The following C3 variants were observed in gnomAD, a reference collection of about 807,000 sequenced individuals.
The protein encoded by C3 is C3 and PZP-like alpha-2-macroglobulin domain-containing protein 1.
Under a neutral mutation model 207.9 loss-of-function variants are expected in C3, and 97 were observed. The ratio of observed to expected loss-of-function variants is 0.47; its 90% CI spans 0.40 to 0.55. The LOEUF (loss-of-function observed/expected upper bound fraction) is 0.55, where lower values mean the gene tolerates loss of function less well. Ranked by LOEUF, C3 falls within the 20% of genes least tolerant of loss-of-function variation. The pLI, the probability that C3 is intolerant of heterozygous loss-of-function variation, is 0.00. For missense variants in C3, 1,684 were observed against 2,171.7 expected (o/e 0.78, Z 4.46); for synonymous variants, 848 against 857.6 (o/e 0.99, Z 0.20).
chr19:6,712,005 T>C (rs1967931891), intron 11 of C3, among the ~76,000 whole-genome samples: 2 of 152,050 alleles, frequency 1.3e-5, no homozygotes, highest in African/African-American at 4.8e-5. Flanking sequence ...AGGACCCCAC[T>C]GTGCAGGACA....
At chr19:6,708,039 C>G in intron 14 of C3, 110 bp from the exon 15 acceptor site, 2 of 1,245,870 alleles carry the variant, frequency 1.6e-6, no homozygotes, top group Non-Finnish European at 1.2e-6. Context: ...CTGTCCCACT[C>G]TCATCTCCCC....
chr19:6,716,611 CG>C (rs1169520843), intron 4 of C3: 3 of 152,218 alleles, frequency 2.0e-5, no homozygotes, highest in Non-Finnish European at 4.4e-5. Context: ...CCATCCTTCT[CG>C]CTTCTTCCAG....
At chr19:6,696,683 G>A in intron 21 of C3, 24 bp from the exon 22 acceptor site, 1 of 1,604,414 alleles carries the variant, frequency 6.2e-7, no homozygotes, top group Non-Finnish European at 8.5e-7. Flanking sequence ...GAGGTGGGGG[G>A]AGTCGTTGGA....
At chr19:6,702,717 G>T (rs1456001280) in intron 17 of C3, 138 bp from the exon 18 acceptor site, 3 of 707,170 alleles carry the variant, frequency 4.2e-6, no homozygotes, top group Non-Finnish European at 7.8e-6. Context: ...AGCTAACATG[G>T]TGAAACCCAT....
intron 33 of C3, chr19:6,682,464 C>A: frequency 1.9e-6 from 1 of 516,644 alleles, no homozygotes; most frequent in Non-Finnish European, 3.5e-6. Flanking sequence ...GATTCAAATT[C>A]CAGCTCTAAA....
At chr19:6,703,356 C>T (rs11569446) in intron 17 of C3, among the ~76,000 whole-genome samples, 6,874 of 152,194 alleles carry the variant, frequency 0.045, 528 homozygotes, top group African/African-American at 0.16. Context: ...ATCTGTAATT[C>T]CAGCACTTTG....
In C3 at chr19:6,693,454, C is replaced by T. The variant is rs779809161; in HGVS notation, c.3188G>A (p.Ser1063Asn). The change falls in exon 25 of 41, where the codon AGC (serine) becomes AAC (asparagine). Residue 1063 changes from serine (S) to asparagine (N), a missense_variant. By Grantham distance (46) the Ser-to-Asn change is conservative. Transcript: ENST00000245907. Reference protein sequence around the residue: ...YTQQLAFRQPSSAFAAFVKRA... With the variant: ...YTQQLAFRQPNSAFAAFVKRA... ...TTTCACGAAGGCCGCAAAGGCAGAG[C>T]TGGGTTGTCTGAAGGCCAGCTGCTG... The T allele has an allele frequency of 4.7e-5, 75 of 1,612,654 alleles. 1 individual carries two copies. In the South Asian group the frequency reaches 7.9e-4, roughly 17 times the overall value.
chr19:6,710,347 G>C (rs1366289839), intron 13 of C3, among the ~76,000 whole-genome samples: 1 of 148,712 alleles, frequency 6.7e-6, no homozygotes, highest in Non-Finnish European at 1.5e-5. Context: ...GAGAGAGAGA[G>C]GGAGAGAGAA....
rs751198127 is a variant in C3, at chr19:6,697,676, A to G, written c.2559T>C (p.Asn853=). Residue 853 remains asparagine, a synonymous_variant, in exon 20 of 41, where the codon AAT becomes AAC. Transcript: ENST00000245907. ...EQVEIRAVLY[N]YRQNQELKVR... is the part of the protein sequence containing the mutation. Reference sequence around the variant, plus strand: ...CCTTGAGCTCTTGGTTCTGCCGGTAATTGTAGAGAACGGCTCGGATTTCCA... The same window carrying G: ...CCTTGAGCTCTTGGTTCTGCCGGTAGTTGTAGAGAACGGCTCGGATTTCCA... 3 of 1,613,976 alleles carry G rather than the reference A, an allele frequency of 1.9e-6. No individual in the cohort carries two copies. Among genetic ancestry groups the G allele is most frequent in the Non-Finnish European group, 2.5e-6 (3 of 1,180,026 alleles).
intron 5 of C3, 42 bp downstream of exon 5, chr19:6,714,310 G>A (rs376074369): frequency 2.5e-6 from 4 of 1,605,796 alleles, no homozygotes; most frequent in South Asian, 2.2e-5. Context: ...CCTCTCCGGG[G>A]ATAGGGGAGC....
chr19:6,713,341 GA>G (rs1444315164), intron 8 of C3, 26 bp from the exon 9 acceptor site: 8 of 1,613,804 alleles, frequency 5.0e-6, no homozygotes, highest in Non-Finnish European at 6.8e-6. Flanking sequence ...AGGGCTCAGA[GA>G]GGGGAGCGGG....
At chr19:6,686,980 C>T in intron 27 of C3, 78 bp from the exon 28 acceptor site, 1 of 1,435,190 alleles carries the variant, frequency 7.0e-7, no homozygotes, top group Non-Finnish European at 9.8e-7. Flanking sequence ...AGCAGCACTT[C>T]CTGAGCATCA....
chr19:6,709,590 C>G lies in C3; in HGVS notation c.1845+94G>C, dbSNP rs1027139499. The G allele has an allele frequency of 1.8e-5, 24 of 1,355,518 alleles. No individual in the cohort carries two copies. The African/African-American group carries it at 2.6e-4, about 15-fold the overall frequency. The allele number at this position is 1,355,518 out of a possible 1,614,324, so 84.0% of individuals were successfully genotyped here. A position where few individuals can be genotyped will look rare whatever the true frequency, so the allele number is the denominator to read the frequency against. On this transcript the variant is annotated intron_variant, in intron 14 of 40. Coordinates refer to ENST00000245907, the MANE Select transcript of C3 (RefSeq NM_000064.4). ...GATCTCTGCTTTCAGCGCATGCCCC[C>G]CACTGCACTGCCCTCTCCAGTCCCA... is the stretch of plus-strand genomic sequence containing the variant.
intron 17 of C3, among the ~76,000 whole-genome samples, 155 bp downstream of exon 17, chr19:6,706,921 A>C (rs191918021): frequency 6.5e-5 from 5 of 77,042 alleles, no homozygotes; most frequent in East Asian, 4.0e-4. Context: ...TGAGACAGGG[A>C]CCTCCTGCCC....
Position 6,712,583 on chromosome 19 carries a change from G to C in C3, c.1044C>G (p.Ile348Met), listed in dbSNP as rs138833296. ...AGTGGATCTGGTAGGGAGAGGTCAC[G>C]ATGGGGATCCCGCTGCGCTCTGCCT... ...MVQAERSGIP[I>M]VTSPYQIHFT... is the part of the protein sequence containing the mutation. Residue 348 changes from isoleucine (I) to methionine (M), a missense_variant, in exon 10 of 41, where the codon ATC (isoleucine) becomes ATG (methionine). Around this residue, in one of 3 missense-constraint regions of C3, gnomAD observed 1,280 missense variants for 1,739.1 expected, o/e 0.74. Transcript: ENST00000245907. 1.9e-6 allele frequency: 3 copies of C among 1,614,138 alleles called. No homozygotes were observed. The highest frequency in any genetic ancestry group is 2.2e-5 in the East Asian group (1 of 44,890).
In C3 at chr19:6,710,771, G is replaced by C. The variant is rs2230203; in HGVS notation, c.1554C>G (p.Pro518=). 1.2e-6 allele frequency: 2 copies of C among 1,613,690 alleles called. No homozygotes were observed. Among genetic ancestry groups the C allele is most frequent in the African/African-American group, 2.7e-5 (2 of 74,936 alleles). The change falls in exon 13 of 41, where the codon CCC becomes CCG. Residue 518 remains proline (P), a synonymous_variant. Coordinates refer to ENST00000245907, the MANE Select transcript of C3 (RefSeq NM_000064.4). The stretch of plus-strand genomic sequence containing the variant: ...GGATGAAGTCGGTGGTGATGGACAG[G>C]GGCAGCACCACCAGGTCCTGGCCGG... ...REPGQDLVVL[P]LSITTDFIPS... is the part of the protein sequence containing the mutation.
Position 6,690,708 on chromosome 19 carries a change from T to C in C3, c.3410A>G (p.Asn1137Ser). The C allele has an allele frequency of 1.2e-6, 2 of 1,614,178 alleles. No homozygotes were observed. The highest frequency in any genetic ancestry group is 1.7e-6 in the Non-Finnish European group (2 of 1,179,988). Residue 1137 changes from asparagine to serine, a missense_variant, in exon 27 of 41, where the codon AAC becomes AGC. Asn to Ser is a conservative substitution (Grantham distance 46). Coordinates refer to ENST00000245907, the MANE Select transcript of C3 (RefSeq NM_000064.4). ...QEMIGGLRNN[N>S]EKDMALTAFV... Reference sequence around the variant, plus strand: ...GGCCGTGAGGGCCATGTCTTTCTCGTTGTTGTTCCGTAATCCACCCTGAGA... The same window carrying C: ...GGCCGTGAGGGCCATGTCTTTCTCGCTGTTGTTCCGTAATCCACCCTGAGA...
At position 6,710,724 on chromosome 19, in the gene C3, T is replaced by C; in HGVS notation, c.1601A>G (p.Tyr534Cys). The change falls in exon 13 of 41, where the codon TAC becomes TGC. Residue 534 changes from tyrosine (Y) to cysteine (C), a missense_variant. Coordinates refer to ENST00000245907, the MANE Select transcript of C3 (RefSeq NM_000064.4). ...DFIPSFRLVA[Y>C]YTLIGASGQR... Reference sequence around the variant, plus strand: ...GCCGCTGGCACCGATCAGCGTGTAGTACGCCACCAGGCGGAAGGAAGGGAT... The same window carrying C: ...GCCGCTGGCACCGATCAGCGTGTAGCACGCCACCAGGCGGAAGGAAGGGAT... 6.2e-7 allele frequency: 1 copy of C among 1,613,726 alleles called. No individual in the cohort carries two copies. Among genetic ancestry groups the C allele is most frequent in the Non-Finnish European group, 8.5e-7 (1 of 1,179,990 alleles).
intron 14 of C3, among the ~76,000 whole-genome samples, chr19:6,709,147 G>T (rs1967851764): frequency 6.6e-6 from 1 of 151,850 alleles, no homozygotes; most frequent in African/African-American, 2.4e-5. Context: ...CAGGGCCCCA[G>T]TTGAAAGTGT....
Sources: allele counts gnomAD v4.1 joint callset (sites outside exome capture counted in the v4.1 genomes callset), GRCh38; gene constraint gnomAD v4.1.1; regional missense constraint gnomAD v4.1.1; transcripts MANE v1.5; gene names NCBI Gene and HGNC (gene_info 2026-07-23, HGNC 2026-07-21).